Variants in ADD3 observed in about 807,000 individuals in gnomAD.
The protein encoded by ADD3 is gamma-adducin.
Under a neutral mutation model 80.2 loss-of-function variants are expected in ADD3, and 25 were observed. The observed-to-expected ratio is 0.31, with a 90% CI of 0.23 to 0.44. ADD3 has a LOEUF of 0.44. Ranked by LOEUF, ADD3 falls within the 20% of genes least tolerant of loss-of-function variation. The probability of loss-of-function intolerance (pLI) is 1.00; values close to 1 mark genes in which losing one functional copy is unlikely to be tolerated. For missense variants in ADD3, 829 were observed against 847.5 expected, an observed-to-expected ratio of 0.98 and a Z score of 0.27; for synonymous variants, 284 against 289.6, an observed-to-expected ratio of 0.98 and a Z score of 0.20.
chr10:110,090,973 A>G (rs1847427490), intron 1 of ADD3, among the ~76,000 whole-genome samples: 1 of 152,206 alleles, frequency 6.6e-6, no homozygotes, highest in South Asian at 2.1e-4. Context: ...TATTTTAAAG[A>G]TAACAAGTCA....
At chr10:110,081,768 GT>G in intron 1 of ADD3, among the ~76,000 whole-genome samples, 1 of 152,280 alleles carries the variant, frequency 6.6e-6, no homozygotes. Context: ...GTCACCCTCT[GT>G]TTTGAAGATA....
chr10:110,032,404 C>G (rs942900572), intron 1 of ADD3, among the ~76,000 whole-genome samples: 1 of 151,994 alleles, frequency 6.6e-6, no homozygotes, highest in Admixed American at 6.6e-5. Flanking sequence ...CAGGCTCAAG[C>G]AAGTGGTGGT....
chr10:110,122,517 T>C (rs575306795), intron 9 of ADD3, among the ~76,000 whole-genome samples: 1 of 152,292 alleles, frequency 6.6e-6, no homozygotes, highest in African/African-American at 2.4e-5. Flanking sequence ...GTAGTCACCA[T>C]AGTACAATAT....
chr10:110,055,388 A>G (rs1272217037), intron 1 of ADD3, among the ~76,000 whole-genome samples: 1 of 152,170 alleles, frequency 6.6e-6, no homozygotes, highest in Non-Finnish European at 1.5e-5. Flanking sequence ...AGAAATAAGC[A>G]TGTTTTGGGA....
intron 1 of ADD3, among the ~76,000 whole-genome samples, chr10:110,073,574 G>A (rs1845036769): frequency 6.6e-6 from 1 of 152,204 alleles, no homozygotes; most frequent in Non-Finnish European, 1.5e-5. Flanking sequence ...TAACTGCTGA[G>A]CAGCATTTAG....
At chr10:110,056,543 G>A (rs1295428208) in intron 1 of ADD3, among the ~76,000 whole-genome samples, 1 of 152,166 alleles carries the variant, frequency 6.6e-6, no homozygotes, top group Non-Finnish European at 1.5e-5. Flanking sequence ...ATTTTTAGAA[G>A]TAGAAAATAC....
At chr10:110,042,242 T>C (rs551154243) in intron 1 of ADD3, among the ~76,000 whole-genome samples, 1 of 152,242 alleles carries the variant, frequency 6.6e-6, no homozygotes, top group African/African-American at 2.4e-5. Flanking sequence ...TAAGAAAAGG[T>C]GATTTGGAGC....
rs546910906 is a variant in ADD3 at position 110,100,903 on chromosome 10, A to C, written c.195+55A>C. 212 of 1,486,018 alleles carry C rather than the reference A, an allele frequency of 1.4e-4. 1 individual carries two copies. In the African/African-American group the frequency reaches 2.9e-3, roughly 20 times the overall value. 92.1% of individuals were successfully genotyped at this position (1,486,018 alleles called of 1,614,324 possible). ...CTCCCTCTTTGGAAATGTTAGTATA[A>C]TAAGGTAGAAGTTTTCTCAAACTAC... On this transcript the variant is annotated intron_variant, in intron 2 of 14. Transcript: ENST00000356080.
intron 1 of ADD3, among the ~76,000 whole-genome samples, chr10:110,073,349 AGC>A (rs998853529): frequency 2.0e-4 from 31 of 151,976 alleles, no homozygotes; most frequent in African/African-American, 7.5e-4. Flanking sequence ...TCACCGTGTT[AGC>A]CAGGATGGTC....
chr10:110,103,004 A>T (rs1848998985), intron 2 of ADD3, among the ~76,000 whole-genome samples: 1 of 152,226 alleles, frequency 6.6e-6, no homozygotes, highest in Admixed American at 6.5e-5. Flanking sequence ...GAGAATGATC[A>T]CTTTCTGCCC....
chr10:110,006,758 G>A (rs1851666885), upstream of ADD3, among the ~76,000 whole-genome samples: 1 of 146,598 alleles, frequency 6.8e-6, no homozygotes, highest in Non-Finnish European at 1.5e-5. Flanking sequence ...GGAGGGGGGG[G>A]ATGAAGATGA....
chr10:110,048,481 A>G (rs957123036), intron 1 of ADD3, among the ~76,000 whole-genome samples: 3 of 152,206 alleles, frequency 2.0e-5, no homozygotes, highest in African/African-American at 7.2e-5. Context: ...CTTCCTAGAG[A>G]CTTGTTGAAT....
chr10:110,107,542 T>G (rs898046358), intron 2 of ADD3, among the ~76,000 whole-genome samples: 1 of 152,168 alleles, frequency 6.6e-6, no homozygotes, highest in African/African-American at 2.4e-5. Context: ...CATTTTGACC[T>G]AAGTTAGGAG....
rs571490631 is a variant in ADD3 at position 110,125,734 on chromosome 10, A to G, written c.1402-92A>G. 162 of 896,746 alleles carry G rather than the reference A, an allele frequency of 1.8e-4. No individual in the cohort carries two copies. The African/African-American group carries it at 1.8e-3, about 10-fold the overall frequency. The allele number at this position is 896,746 out of a possible 1,614,324, so 55.5% of individuals were successfully genotyped here. The stretch of plus-strand genomic sequence containing the variant: ...TAGTGAAATTATTTAAACATTGGCA[A>G]TGCCCCTCTTGAGACTATAAGCAGT... On this transcript the variant is annotated intron_variant, in intron 10 of 14. Coordinates refer to ENST00000356080, the MANE Select transcript of ADD3 (RefSeq NM_016824.5).
At chr10:110,126,379 C>A (rs777678435) in intron 11 of ADD3, 38 bp from the exon 12 acceptor site, 1 of 1,480,260 alleles carries the variant, frequency 6.8e-7, no homozygotes, top group Non-Finnish European at 9.4e-7. Flanking sequence ...TGCATAGTTG[C>A]CCTCAAGAAC....
chr10:110,120,429 A>T (rs986386201), intron 8 of ADD3, among the ~76,000 whole-genome samples: 2 of 151,684 alleles, frequency 1.3e-5, no homozygotes, highest in African/African-American at 4.9e-5. Flanking sequence ...GCTGCATAGT[A>T]TTCTATGGTG....
chr10:110,029,306 A>G (rs1423609275), intron 1 of ADD3, among the ~76,000 whole-genome samples: 2 of 152,214 alleles, frequency 1.3e-5, no homozygotes, highest in South Asian at 2.1e-4. Context: ...AACTTGTAGT[A>G]ATTGGAACTA....
chr10:110,014,569 A>T (rs1222123825), intron 1 of ADD3, among the ~76,000 whole-genome samples: 2 of 151,966 alleles, frequency 1.3e-5, no homozygotes, highest in Non-Finnish European at 2.9e-5. Flanking sequence ...CTTGTTGCCC[A>T]GGCTGGAGTG....
intron 1 of ADD3, among the ~76,000 whole-genome samples, chr10:110,031,745 A>AT (rs565268979): frequency 4.7e-4 from 67 of 142,754 alleles, no homozygotes; most frequent in East Asian, 4.3e-3. Context: ...GACATGAGCT[A>AT]TTTTTTTTTT....
Sources: gnomAD v4.1 joint callset for allele counts (sites outside exome capture counted in the v4.1 genomes callset) on GRCh38, gnomAD v4.1.1 for gene constraint, MANE v1.5 for transcripts, NCBI Gene and HGNC (gene_info 2026-07-23, HGNC 2026-07-21) for gene names.